ALPL: variants seen among roughly 807,000 people sequenced by gnomAD.
ALPL encodes alkaline phosphatase, biomineralization associated, also known as alkaline phosphatase, tissue-nonspecific isozyme.
In ALPL, 42 loss-of-function variants were observed where a neutral mutation model predicts 51.3. That is an observed-to-expected ratio of 0.82 (90% CI 0.64 to 1.06). The LOEUF is 1.06. Among genes scored for constraint, ALPL ranks in the 50% least tolerant of loss-of-function variants. The pLI, the probability that ALPL is intolerant of heterozygous loss-of-function variation, is 0.00. For synonymous variants in ALPL, 279 were observed against 296.4 expected (o/e 0.94, Z 0.60); for missense variants, 589 against 709.4 (o/e 0.83, Z 1.93).
At chr1:21,515,732 A>C (rs978240352) in intron 1 of ALPL, among the ~76,000 whole-genome samples, 78 of 152,004 alleles carry the variant, frequency 5.1e-4, no homozygotes, top group African/African-American at 1.8e-3. Flanking sequence ...TCTTTAGTGC[A>C]CCTTTACTAG....
At position 21,553,761 on chromosome 1, in the gene ALPL, A is replaced by G. The variant is rs74360400; in HGVS notation, c.-104-217A>G. Reference sequence around the variant, plus strand: ...AAATGGGACGGAACTGCTTTGCAGCATGGAACTCATTGACACTGACACAGC... The same window carrying G: ...AAATGGGACGGAACTGCTTTGCAGCGTGGAACTCATTGACACTGACACAGC... On this transcript the variant is annotated intron_variant, in intron 1 of 11. Transcript: ENST00000374840. Among the ~76,000 whole-genome samples the G allele has an allele frequency of 3.8e-3, 575 of 152,366 alleles. 1 individual carries two copies. The highest frequency in any genetic ancestry group is 6.8e-3 in the Middle Eastern group (2 of 294).
intron 1 of ALPL, among the ~76,000 whole-genome samples, chr1:21,536,548 T>C (rs151207212): frequency 1.3e-5 from 2 of 152,310 alleles, no homozygotes; most frequent in African/African-American, 4.8e-5. Context: ...TCAAGGTCTC[T>C]ACCTTTCTCT....
In ALPL at chr1:21,522,655, G is replaced by A. The variant is rs895675815; in HGVS notation, c.-105+13138G>A. The stretch of plus-strand genomic sequence containing the variant: ...GGGAACAGTAGTAGGCGAGTCAAGC[G>A]GTCATGTTGTCCCTGACTATAAAAT... On this transcript the variant is annotated intron_variant, in intron 1 of 11. Transcript: ENST00000374840. 3.9e-5 allele frequency among the ~76,000 whole-genome samples: 6 copies of A among 152,088 alleles called. No homozygotes were observed. The East Asian group carries it at 5.8e-4, about 15-fold the overall frequency.
intron 2 of ALPL, among the ~76,000 whole-genome samples, chr1:21,558,404 C>T (rs1490224874): frequency 1.3e-5 from 2 of 152,216 alleles, no homozygotes; most frequent in African/African-American, 4.8e-5. Flanking sequence ...TGACCAACAG[C>T]ACCGTGGTGT....
rs143642261 is a variant in ALPL, at chr1:21,522,173, G to A, written c.-105+12656G>A. On this transcript the variant is annotated intron_variant, in intron 1 of 11. Coordinates refer to ENST00000374840, the MANE Select transcript of ALPL (RefSeq NM_000478.6). ...TACAAGCTCCACCTCCTGGGTTCAC[G>A]CCATTCTCCTGCCTCAACCTCCCCA... Among the ~76,000 whole-genome samples the A allele has an allele frequency of 7.4e-3, 1,112 of 151,042 alleles. 30 individuals are homozygous for A. Among genetic ancestry groups the A allele is most frequent in the Admixed American group, 0.043 (641 of 15,078 alleles).
intron 1 of ALPL, among the ~76,000 whole-genome samples, chr1:21,519,824 A>AG (rs1643865714): frequency 6.6e-6 from 1 of 152,160 alleles, no homozygotes; most frequent in Non-Finnish European, 1.5e-5. Context: ...ATTGAGGCTC[A>AG]GGGAGGGAGG....
chr1:21,539,705 A>G (rs2148109510), intron 1 of ALPL, among the ~76,000 whole-genome samples: 1 of 145,094 alleles, frequency 6.9e-6, no homozygotes, highest in African/African-American at 2.6e-5. Context: ...CCCAGGCTGG[A>G]GTGCAGTGGC....
chr1:21,524,741 C>T (rs997095346), intron 1 of ALPL, among the ~76,000 whole-genome samples: 1 of 152,184 alleles, frequency 6.6e-6, no homozygotes, highest in Non-Finnish European at 1.5e-5. Context: ...AGGAGTTGAG[C>T]AAATAGCAGG....
At chr1:21,545,914 C>G (rs1238558523) in intron 1 of ALPL, among the ~76,000 whole-genome samples, 1 of 152,064 alleles carries the variant, frequency 6.6e-6, no homozygotes, top group African/African-American at 2.4e-5. Context: ...CTCTCTAGTT[C>G]AAGCGATTAT....
At position 21,554,012 on chromosome 1, in the gene ALPL, G is replaced by GGCCCC. The variant is rs1644365534; in HGVS notation, c.-70_-69insGCCCC. 2.0e-4 allele frequency: 196 copies of GGCCCC among 994,926 alleles called. No homozygotes were observed. Among genetic ancestry groups the GGCCCC allele is most frequent in the East Asian group, 3.5e-4 (14 of 40,074 alleles). The allele number at this position is 994,926 out of a possible 1,614,324, so 61.6% of individuals were successfully genotyped here. ...ATCAGTTAACATCTGACCACTGCCAGCCCACCCCCTCCCACCCACGTCGAT... is the reference window on the plus strand; with the variant it reads ...ATCAGTTAACATCTGACCACTGCCAGGCCCCCCCACCCCCTCCCACCCACGTCGAT... On this transcript the variant is annotated 5_prime_UTR_variant, in exon 2 of 12. Transcript: ENST00000374840.
chr1:21,515,132 T>C (rs1287673517), intron 1 of ALPL, among the ~76,000 whole-genome samples: 1 of 152,200 alleles, frequency 6.6e-6, no homozygotes, highest in Non-Finnish European at 1.5e-5. Flanking sequence ...GAACTTTACC[T>C]GGCCAGGTCT....
At chr1:21,528,259 A>G (rs1275735903) in intron 1 of ALPL, among the ~76,000 whole-genome samples, 1 of 149,940 alleles carries the variant, frequency 6.7e-6, no homozygotes, top group East Asian at 2.0e-4. Flanking sequence ...GGCTTAAGCG[A>G]TCCTCCTGCC....
intron 1 of ALPL, among the ~76,000 whole-genome samples, chr1:21,550,015 C>T (rs908034368): frequency 5.9e-5 from 9 of 152,162 alleles, no homozygotes; most frequent in Non-Finnish European, 8.8e-5. Context: ...GTGGTATAGA[C>T]GTAAACCCTC....
At position 21,561,219 on chromosome 1, in the gene ALPL, C is replaced by G; in HGVS notation, c.297+7C>G. On this transcript the variant is annotated splice_region_variant and intron_variant, in intron 4 of 11. Transcript: ENST00000374840. ...CTTCGTGGCCCTCTCCAAGGTGAGC[C>G]CCATCCCCAAGCCCAGTTCAGGTCT... 6.3e-7 allele frequency: 1 copy of G among 1,598,896 alleles called. No individual in the cohort carries two copies. Among genetic ancestry groups the G allele is most frequent in the Non-Finnish European group, 8.5e-7 (1 of 1,171,988 alleles).
At chr1:21,572,711 G>GAATTGGAAGGACACCAGAATC (rs1339768276) in intron 8 of ALPL, among the ~76,000 whole-genome samples, 1 of 152,168 alleles carries the variant, frequency 6.6e-6, no homozygotes, top group African/African-American at 2.4e-5. Context: ...AAGGACACCA[G>GAATTGGAAGGACACCAGAATC]AATTGGAAGG....
intron 7 of ALPL, 34 bp downstream of exon 7, chr1:21,568,281 T>C (rs1217259645): frequency 4.3e-6 from 7 of 1,612,996 alleles, no homozygotes; most frequent in Non-Finnish European, 5.9e-6. Context: ...GCTGCAGAGG[T>C]GGCCTGTGAT....
chr1:21,513,262 G>T (rs1482091101), intron 1 of ALPL, among the ~76,000 whole-genome samples: 1 of 152,088 alleles, frequency 6.6e-6, no homozygotes, highest in Non-Finnish European at 1.5e-5. Context: ...ATTGCTTAGG[G>T]CAGAGTGGAC....
chr1:21,577,654 C>T lies in ALPL; in HGVS notation c.*6C>T, dbSNP rs1644760389. 1 of 1,594,876 alleles carries T rather than the reference C, an allele frequency of 6.3e-7. No individual in the cohort carries two copies. Among genetic ancestry groups the T allele is most frequent in the Admixed American group, 1.7e-5 (1 of 59,608 alleles). On this transcript the variant is annotated 3_prime_UTR_variant, in exon 12 of 12. Transcript: ENST00000374840. ...CCCTGAGCGTCCTGTTCTGAGGGCC[C>T]AGGGCCCGGGCACCCACAAGCCCGT...
intron 2 of ALPL, among the ~76,000 whole-genome samples, chr1:21,554,821 CTT>C (rs1165482956): frequency 2.3e-5 from 2 of 87,264 alleles, no homozygotes; most frequent in African/African-American, 4.2e-5. Flanking sequence ...GTCTGTCTTT[CTT>C]TCTTTCTTTC....
Sources: gnomAD v4.1 joint callset for allele counts (sites outside exome capture counted in the v4.1 genomes callset) on GRCh38, gnomAD v4.1.1 for gene constraint, MANE v1.5 for transcripts, NCBI Gene and HGNC (gene_info 2026-07-23, HGNC 2026-07-21) for gene names.